The following MCC variants were observed in gnomAD, a reference collection of about 807,000 sequenced individuals.
MCC encodes MCC regulator of Wnt signaling pathway, also known as colorectal mutant cancer protein.
A neutral mutation model predicts 116.2 loss-of-function variants in MCC; 90 were observed. The ratio of observed to expected loss-of-function variants is 0.77; its 90% CI spans 0.65 to 0.92. MCC has a LOEUF of 0.92. MCC is among the 40% of genes least tolerant of loss of function. MCC has a pLI of 0.00. For synonymous variants in MCC, 578 were observed against 510.5 expected (o/e 1.13, Z -1.78); for missense variants, 1,516 against 1,312.2 (o/e 1.16, Z -2.40).
chr5:113,032,475 ATTG>A (rs953552867), intron 17 of MCC, among the ~76,000 whole-genome samples: 33 of 151,922 alleles, frequency 2.2e-4, no homozygotes, highest in Admixed American at 9.2e-4. Flanking sequence ...ACTGGGTTAC[ATTG>A]TTATTAAAAT....
chr5:113,130,328 G>A (rs1167003523), intron 5 of MCC, among the ~76,000 whole-genome samples: 3 of 152,102 alleles, frequency 2.0e-5, no homozygotes, highest in African/African-American at 7.2e-5. Flanking sequence ...ACACACTGGG[G>A]CCTGTCTGGG....
At chr5:113,077,223 T>C (rs948003155) in intron 11 of MCC, among the ~76,000 whole-genome samples, 82 of 152,108 alleles carry the variant, frequency 5.4e-4, no homozygotes, top group African/African-American at 1.6e-3. Flanking sequence ...TTTAACACCC[T>C]ACTGTCAACA....
intron 3 of MCC, among the ~76,000 whole-genome samples, chr5:113,258,138 G>A (rs1765089276): frequency 1.3e-5 from 2 of 152,092 alleles, no homozygotes; most frequent in South Asian, 4.1e-4. Context: ...CATTGCAAGG[G>A]GTCCTGAAAT....
At chr5:113,077,560 G>T (rs1754543327) in intron 11 of MCC, among the ~76,000 whole-genome samples, 1 of 152,034 alleles carries the variant, frequency 6.6e-6, no homozygotes, top group East Asian at 1.9e-4. Context: ...ATGACTACTG[G>T]GTACATAATG....
chr5:113,341,473 C>G (rs1440952006), intron 2 of MCC, among the ~76,000 whole-genome samples: 1 of 152,194 alleles, frequency 6.6e-6, no homozygotes, highest in Non-Finnish European at 1.5e-5. Flanking sequence ...GTGTGAGCCA[C>G]TGCAACCGAC....
intron 3 of MCC, among the ~76,000 whole-genome samples, chr5:113,301,375 G>C (rs1418185464): frequency 6.6e-6 from 1 of 151,930 alleles, no homozygotes; most frequent in Non-Finnish European, 1.5e-5. Context: ...TGAGGGAGGA[G>C]AATCGCTTGA....
At chr5:113,295,563 T>TGAAAGATGTCGATAGGCTCCCCAA (rs1232997052) in intron 3 of MCC, among the ~76,000 whole-genome samples, 8 of 152,094 alleles carry the variant, frequency 5.3e-5, no homozygotes, top group South Asian at 2.1e-4. Context: ...CCCCAGACCT[T>TGAAAGATGTCGATAGGCTCCCCAA]CCTTAATTGA....
rs1382003522 is a variant in MCC at position 113,196,719 on chromosome 5, C to T, written c.628-45297G>A. 2.0e-5 allele frequency among the ~76,000 whole-genome samples: 3 copies of T among 152,104 alleles called. No individual in the cohort carries two copies. The East Asian group carries it at 5.8e-4, about 29-fold the overall frequency. ...AAAAAATTAGCCGAGCGTGGTGGCA[C>T]ATGCCTGTAATCCCAGCTACTCAGG... is the stretch of plus-strand genomic sequence containing the variant. On this transcript the variant is annotated intron_variant, in intron 3 of 18. Transcript: ENST00000408903.
At chr5:113,073,150 C>T (rs886585496) in intron 11 of MCC, among the ~76,000 whole-genome samples, 1 of 151,850 alleles carries the variant, frequency 6.6e-6, no homozygotes, top group African/African-American at 2.4e-5. Context: ...CGAGACATTG[C>T]TCTTCTTCCA....
At chr5:113,375,002 A>G (rs1259688530) in intron 2 of MCC, among the ~76,000 whole-genome samples, 7 of 151,686 alleles carry the variant, frequency 4.6e-5, no homozygotes, top group Non-Finnish European at 1.0e-4. Context: ...AAAAAAAAAA[A>G]AAAAAAAAAA....
chr5:113,220,053 A>ATTTTTTT (rs1561466024), intron 3 of MCC, among the ~76,000 whole-genome samples: 5 of 62,856 alleles, frequency 8.0e-5, no homozygotes, highest in Non-Finnish European at 3.4e-4. Flanking sequence ...CTGCATGTCA[A>ATTTTTTT]TTTCTTTTTC....
At chr5:113,124,333 C>T (rs1371424608) in intron 5 of MCC, among the ~76,000 whole-genome samples, 1 of 152,192 alleles carries the variant, frequency 6.6e-6, no homozygotes, top group East Asian at 1.9e-4. Flanking sequence ...CTGATAGATA[C>T]ATTAGCTCTC....
At chr5:113,154,246 G>A (rs1379340472) in intron 3 of MCC, among the ~76,000 whole-genome samples, 1 of 152,188 alleles carries the variant, frequency 6.6e-6, no homozygotes, top group Non-Finnish European at 1.5e-5. Flanking sequence ...GGGTTATTTT[G>A]CTTCCTTGCT....
At chr5:113,467,658 G>A (rs1771951524) in intron 1 of MCC, among the ~76,000 whole-genome samples, 2 of 152,122 alleles carry the variant, frequency 1.3e-5, no homozygotes, top group African/African-American at 4.8e-5. Context: ...GATTGACTTG[G>A]CGACACGGGC....
intron 3 of MCC, among the ~76,000 whole-genome samples, chr5:113,325,670 A>C (rs1185691618): frequency 6.6e-6 from 1 of 152,116 alleles, no homozygotes; most frequent in Non-Finnish European, 1.5e-5. Context: ...GTATTGTAGC[A>C]TATGGTGCCA....
chr5:113,058,133 G>C (rs143866774), intron 14 of MCC, among the ~76,000 whole-genome samples: 2 of 152,224 alleles, frequency 1.3e-5, no homozygotes, highest in African/African-American at 4.8e-5. Flanking sequence ...AAGACACTGA[G>C]GTATATTTTC....
rs569282193 is a variant in MCC at position 113,434,617 on chromosome 5, T to A, written c.171-49405A>T. On this transcript the variant is annotated intron_variant, in intron 1 of 18. Coordinates refer to ENST00000408903, the MANE Select transcript of MCC (RefSeq NM_001085377.2). The surrounding 1 kb of genome is among the most constrained non-coding windows in gnomAD (Gnocchi z 4.2). Reference sequence around the variant, plus strand: ...TGTGATGTCTCAAAGATCTCGTAGGTCTTAATGATGGAGCAGTGGTTTAAC... The same window carrying A: ...TGTGATGTCTCAAAGATCTCGTAGGACTTAATGATGGAGCAGTGGTTTAAC... The A allele has an allele frequency of 6.2e-7, 1 of 1,613,816 alleles. No individual in the cohort carries two copies. Among genetic ancestry groups the A allele is most frequent in the Admixed American group, 1.7e-5 (1 of 60,014 alleles).
At chr5:113,287,410 C>A (rs954209430) in intron 3 of MCC, among the ~76,000 whole-genome samples, 15 of 152,192 alleles carry the variant, frequency 9.9e-5, no homozygotes, top group African/African-American at 3.6e-4. Context: ...CTCACTGCAA[C>A]CTCCACCTCC....
At chr5:113,146,388 TC>T (rs1759523829) in intron 4 of MCC, among the ~76,000 whole-genome samples, 1 of 10,640 alleles carries the variant, frequency 9.4e-5, no homozygotes, top group Non-Finnish European at 2.5e-4. Context: ...CTCCCCCAGC[TC>T]CCTGACCTGA....
Sources: allele counts gnomAD v4.1 joint callset (sites outside exome capture counted in the v4.1 genomes callset), GRCh38; gene constraint gnomAD v4.1.1; non-coding constraint Gnocchi (gnomAD v3.1); transcripts MANE v1.5; gene names NCBI Gene and HGNC (gene_info 2026-07-23, HGNC 2026-07-21).